The following DGKB variants were observed in gnomAD, a reference collection of about 807,000 sequenced individuals.
DGKB encodes the protein diacylglycerol kinase beta.
In DGKB, 67 loss-of-function variants were observed where a neutral mutation model predicts 114.3. The observed-to-expected ratio is 0.59, with a 90% CI of 0.48 to 0.72. The LOEUF is 0.72. DGKB is among the 30% of genes least tolerant of loss of function. DGKB has a pLI of 0.00. For synonymous variants in DGKB, 398 were observed against 323.1 expected, an observed-to-expected ratio of 1.23 and a Z score of -2.49; for missense variants, 907 against 975.2, an observed-to-expected ratio of 0.93 and a Z score of 0.93.
At chr7:14,556,405 A>G (rs1294412029) in intron 20 of DGKB, among the ~76,000 whole-genome samples, 1 of 152,072 alleles carries the variant, frequency 6.6e-6, no homozygotes, top group African/African-American at 2.4e-5. Context: ...AATCACCTTC[A>G]AATATTAATA....
chr7:14,685,560 C>T (rs1469784080), intron 9 of DGKB, among the ~76,000 whole-genome samples, 198 bp from the exon 10 acceptor site: 1 of 152,122 alleles, frequency 6.6e-6, no homozygotes, highest in Non-Finnish European at 1.5e-5. Context: ...AACAAATCAC[C>T]GATGCTATAG....
At chr7:14,839,691 T>C (rs2128135686) in intron 2 of DGKB, among the ~76,000 whole-genome samples, 1 of 152,238 alleles carries the variant, frequency 6.6e-6, no homozygotes. Context: ...CGTAATATGA[T>C]AAATGCATAT....
At chr7:14,533,762 G>A (rs1233341389) in intron 20 of DGKB, among the ~76,000 whole-genome samples, 1 of 151,988 alleles carries the variant, frequency 6.6e-6, no homozygotes, top group African/African-American at 2.4e-5. Flanking sequence ...AGCGGGTGGA[G>A]TGATACATTC....
intron 20 of DGKB, among the ~76,000 whole-genome samples, chr7:14,566,713 CT>C (rs1053800640): frequency 6.6e-6 from 1 of 152,108 alleles, no homozygotes; most frequent in African/African-American, 2.4e-5. Flanking sequence ...CTCACTCCCC[CT>C]ATCCCTCTCC....
intron 25 of DGKB, among the ~76,000 whole-genome samples, chr7:14,165,517 C>T (rs1037063605): frequency 3.3e-5 from 5 of 152,076 alleles, no homozygotes; most frequent in Non-Finnish European, 5.9e-5. Flanking sequence ...TATATTTAGG[C>T]TTTAGTAGCT....
At chr7:14,559,577 T>C (rs1410078965) in intron 20 of DGKB, among the ~76,000 whole-genome samples, 1 of 152,258 alleles carries the variant, frequency 6.6e-6, no homozygotes, top group Non-Finnish European at 1.5e-5. Context: ...ATGGGGTTTA[T>C]ACTATACAAT....
chr7:14,769,281 A>AGATT (rs1554266069), intron 2 of DGKB, among the ~76,000 whole-genome samples: 2 of 149,316 alleles, frequency 1.3e-5, no homozygotes, highest in African/African-American at 2.5e-5. Flanking sequence ...AAAGAAAGAA[A>AGATT]GATTTTGTAA....
At chr7:14,366,762 A>G (rs1816743892) in intron 21 of DGKB, among the ~76,000 whole-genome samples, 1 of 152,180 alleles carries the variant, frequency 6.6e-6, no homozygotes, top group African/African-American at 2.4e-5. Flanking sequence ...AATATTAAAT[A>G]TAGATGCTAG....
At chr7:14,210,946 C>G (rs1050724236) in intron 23 of DGKB, among the ~76,000 whole-genome samples, 4 of 152,050 alleles carry the variant, frequency 2.6e-5, no homozygotes, top group African/African-American at 9.7e-5. Flanking sequence ...CCACTGTATC[C>G]TTGCCATCTG....
At chr7:14,428,191 C>A (rs539001133) in intron 21 of DGKB, among the ~76,000 whole-genome samples, 151 of 151,968 alleles carry the variant, frequency 9.9e-4, no homozygotes, top group Non-Finnish European at 1.1e-3. Context: ...ATATAATTTT[C>A]TTTACAATCA....
At chr7:14,168,703 A>G (rs1249190139) in intron 25 of DGKB, among the ~76,000 whole-genome samples, 1 of 152,236 alleles carries the variant, frequency 6.6e-6, no homozygotes, top group African/African-American at 2.4e-5. Flanking sequence ...CTTACAATTA[A>G]GTCAGAAGAG....
chr7:14,750,065 T>C (rs1014000820), intron 4 of DGKB: 1 of 504,454 alleles, frequency 2.0e-6, no homozygotes, highest in Non-Finnish European at 4.0e-6. Flanking sequence ...ATATGTTATA[T>C]GTGTGCTATC....
At chr7:14,852,487 C>CAAAAAAAAAAAAACAAAAAAAAAA in intron 1 of DGKB, among the ~76,000 whole-genome samples, 4 of 63,620 alleles carry the variant, frequency 6.3e-5, no homozygotes, top group East Asian at 5.0e-4. Flanking sequence ...TAGTGAAAGT[C>CAAAAAAAAAAAAACAAAAAAAAAA]AAAAAAAAAA....
intron 17 of DGKB, among the ~76,000 whole-genome samples, chr7:14,588,194 C>A (rs73289517): frequency 6.6e-6 from 1 of 151,860 alleles, no homozygotes; most frequent in Non-Finnish European, 1.5e-5. Flanking sequence ...TTTTGGTTTC[C>A]ATTATCTATT....
intron 2 of DGKB, among the ~76,000 whole-genome samples, chr7:14,788,598 G>A (rs895616026): frequency 6.6e-6 from 1 of 152,100 alleles, no homozygotes; most frequent in Non-Finnish European, 1.5e-5. Context: ...ACAACTATGG[G>A]TAGCCCATAT....
chr7:14,632,079 G>A (rs1253587935), intron 13 of DGKB, among the ~76,000 whole-genome samples: 4 of 151,992 alleles, frequency 2.6e-5, no homozygotes, highest in African/African-American at 9.7e-5. Flanking sequence ...GATTATGGCT[G>A]TCTAAATGGT....
intron 16 of DGKB, among the ~76,000 whole-genome samples, chr7:14,608,395 T>C (rs1237081653): frequency 6.6e-6 from 1 of 151,762 alleles, no homozygotes; most frequent in Non-Finnish European, 1.5e-5. Flanking sequence ...AATCCTGTCA[T>C]GAAAAAAAAT....
At chr7:14,652,953 A>G (rs1348335276) in intron 13 of DGKB, among the ~76,000 whole-genome samples, 1 of 151,808 alleles carries the variant, frequency 6.6e-6, no homozygotes, top group Non-Finnish European at 1.5e-5. Flanking sequence ...AACCATAATG[A>G]GATACCATCT....
chr7:14,645,076 G>T lies in DGKB; in HGVS notation c.1135-14808C>A, dbSNP rs113901848. Among the ~76,000 whole-genome samples the T allele has an allele frequency of 4.4e-3, 676 of 152,164 alleles. 2 individuals are homozygous for T. Among genetic ancestry groups the T allele is most frequent in the African/African-American group, 0.015 (619 of 41,506 alleles). On this transcript the variant is annotated intron_variant, in intron 13 of 25. Transcript: ENST00000402815. Reference sequence around the variant, plus strand: ...CAGTCTTGATTGGTTCCTTCTGAATGATGCCTTTTAACTAATCAAATGATA... The same window carrying T: ...CAGTCTTGATTGGTTCCTTCTGAATTATGCCTTTTAACTAATCAAATGATA...
Sources: gnomAD v4.1 joint callset for allele counts (sites outside exome capture counted in the v4.1 genomes callset) on GRCh38, gnomAD v4.1.1 for gene constraint, MANE v1.5 for transcripts, NCBI Gene and HGNC (gene_info 2026-07-23, HGNC 2026-07-21) for gene names.